DLG2: variants seen among roughly 807,000 people sequenced by gnomAD.
DLG2 encodes the protein discs large MAGUK scaffold protein 2.
In DLG2, 45 loss-of-function variants were observed where a neutral mutation model predicts 132.5. The ratio of observed to expected loss-of-function variants is 0.34; its 90% CI spans 0.27 to 0.44. DLG2 has a LOEUF of 0.44. Among genes scored for constraint, DLG2 ranks in the 20% least tolerant of loss-of-function variants. The pLI is 1.00. For missense variants in DLG2, 1,045 were observed against 1,196.9 expected (o/e 0.87, Z 1.87); for synonymous variants, 424 against 419.6 (o/e 1.01, Z -0.13).
intron 7 of DLG2, among the ~76,000 whole-genome samples, chr11:84,471,284 A>G (rs1435886745): frequency 6.6e-6 from 1 of 151,616 alleles, no homozygotes; most frequent in Non-Finnish European, 1.5e-5. Context: ...CCCCTTGAGC[A>G]ATGCTGTTCA....
At chr11:84,734,328 C>T (rs187331368) in intron 6 of DLG2, among the ~76,000 whole-genome samples, 228 of 152,078 alleles carry the variant, frequency 1.5e-3, no homozygotes, top group Middle Eastern at 3.4e-3. Context: ...CAGTGGTTTG[C>T]AGTTCTCCTT....
chr11:84,361,238 A>G (rs1434463635), intron 7 of DLG2, among the ~76,000 whole-genome samples: 2 of 151,956 alleles, frequency 1.3e-5, no homozygotes, highest in Non-Finnish European at 2.9e-5. Flanking sequence ...AGATCTAAGA[A>G]GCTCAAAAGC....
At chr11:84,370,906 G>C (rs2098703583) in intron 7 of DLG2, among the ~76,000 whole-genome samples, 1 of 152,110 alleles carries the variant, frequency 6.6e-6, no homozygotes, top group Non-Finnish European at 1.5e-5. Context: ...GTGGGCAGGT[G>C]GTGGGAGGAG....
chr11:85,087,844 CAAAAAAAAAAAAAA>C (rs71465019), intron 6 of DLG2, among the ~76,000 whole-genome samples: 92 of 22,058 alleles, frequency 4.2e-3, no homozygotes, highest in Non-Finnish European at 9.0e-3. Flanking sequence ...GACTCCGTCT[CAAAAAAAAAAAAAA>C]AAAAAAAAAA....
At chr11:84,653,025 G>A (rs984118646) in intron 6 of DLG2, among the ~76,000 whole-genome samples, 6 of 150,806 alleles carry the variant, frequency 4.0e-5, no homozygotes, top group Admixed American at 3.3e-4. Context: ...TCTACCTCCC[G>A]GGTCCAAGTG....
At chr11:84,238,042 T>TAAAA (rs71036414) in intron 8 of DLG2, among the ~76,000 whole-genome samples, 53 of 72,948 alleles carry the variant, frequency 7.3e-4, no homozygotes, top group South Asian at 1.1e-3. Context: ...AGACTCTGCC[T>TAAAA]AAAAAAAAAA....
At chr11:84,617,143 C>A (rs2099605846) in intron 6 of DLG2, among the ~76,000 whole-genome samples, 1 of 151,720 alleles carries the variant, frequency 6.6e-6, no homozygotes, top group African/African-American at 2.4e-5. Context: ...TAGCCCCCCA[C>A]CCCTCAACAG....
intron 11 of DLG2, among the ~76,000 whole-genome samples, chr11:84,005,460 CT>C (rs1203335810): frequency 6.6e-6 from 1 of 151,786 alleles, no homozygotes; most frequent in African/African-American, 2.4e-5. Flanking sequence ...TGGCTAAGAC[CT>C]TAAAACCACG....
chr11:84,904,076 T>G (rs989748151), intron 6 of DLG2, among the ~76,000 whole-genome samples: 1 of 152,104 alleles, frequency 6.6e-6, no homozygotes, highest in Non-Finnish European at 1.5e-5. Flanking sequence ...CTGACAAAGA[T>G]TACCATAACA....
At chr11:84,800,682 TAA>T (rs1330596151) in intron 6 of DLG2, 2 of 152,164 alleles carry the variant, frequency 1.3e-5, no homozygotes, top group Non-Finnish European at 2.9e-5. Context: ...GATGAGTAAA[TAA>T]AAAGACTTTG....
At chr11:84,890,983 A>T (rs895585422) in intron 6 of DLG2, 1 of 152,132 alleles carries the variant, frequency 6.6e-6, no homozygotes, top group African/African-American at 2.4e-5. Flanking sequence ...CTTAAGTCCA[A>T]TTCTCAGGAC....
chr11:83,708,619 T>C (rs1227696725), intron 18 of DLG2, among the ~76,000 whole-genome samples: 1 of 152,100 alleles, frequency 6.6e-6, no homozygotes. Flanking sequence ...AAAATTGCAA[T>C]ATGTTGCCAT....
At chr11:85,217,445 T>C (rs1350216745) in intron 4 of DLG2, among the ~76,000 whole-genome samples, 1 of 152,016 alleles carries the variant, frequency 6.6e-6, no homozygotes, top group East Asian at 1.9e-4. Context: ...TAAAATACAA[T>C]ACATCATTTT....
intron 6 of DLG2, among the ~76,000 whole-genome samples, chr11:84,589,759 C>T (rs1241067850): frequency 6.6e-6 from 1 of 152,098 alleles, no homozygotes. Flanking sequence ...CTGTCACCTC[C>T]GGCTATGGCA....
At chr11:83,707,361 C>A (rs535005041) in intron 18 of DLG2, among the ~76,000 whole-genome samples, 1 of 152,352 alleles carries the variant, frequency 6.6e-6, no homozygotes, top group South Asian at 2.1e-4. Flanking sequence ...CCGTGCAGTG[C>A]ATGACATATA....
chr11:83,569,009 C>T (rs756849475), intron 19 of DLG2, among the ~76,000 whole-genome samples: 6 of 152,166 alleles, frequency 3.9e-5, no homozygotes, highest in African/African-American at 1.2e-4. Flanking sequence ...AATTACTTAT[C>T]ACTGTCTCAA....
chr11:84,013,142 G>A (rs895975028), intron 11 of DLG2, among the ~76,000 whole-genome samples: 3 of 152,244 alleles, frequency 2.0e-5, no homozygotes, highest in African/African-American at 7.2e-5. Context: ...TAATTTCTCA[G>A]AGTTACAAAG....
At chr11:84,402,942 T>C (rs1393619913) in intron 7 of DLG2, among the ~76,000 whole-genome samples, 1 of 149,878 alleles carries the variant, frequency 6.7e-6, no homozygotes, top group Admixed American at 6.6e-5. Flanking sequence ...GTTGTATTAA[T>C]AGCATAAGCT....
chr11:84,346,151 CTCTT>C (rs1470409493), intron 7 of DLG2, among the ~76,000 whole-genome samples: 4 of 152,200 alleles, frequency 2.6e-5, no homozygotes, highest in Non-Finnish European at 5.9e-5. Flanking sequence ...AATTCCAACA[CTCTT>C]TCCTTCAAGG....
Sources: gnomAD v4.1 joint callset for allele counts (sites outside exome capture counted in the v4.1 genomes callset) on GRCh38, gnomAD v4.1.1 for gene constraint, MANE v1.5 for transcripts, NCBI Gene and HGNC (gene_info 2026-07-23, HGNC 2026-07-21) for gene names.